Variants in SMCHD1 observed in about 807,000 individuals in gnomAD.
The protein encoded by SMCHD1 is structural maintenance of chromosomes flexible hinge domain-containing protein 1.
Under a neutral mutation model 254.7 loss-of-function variants are expected in SMCHD1, and 78 were observed. The ratio of observed to expected loss-of-function variants is 0.31; its 90% CI spans 0.26 to 0.37. SMCHD1 has a LOEUF of 0.37. Ranked by LOEUF, SMCHD1 falls within the 10% of genes least tolerant of loss-of-function variation. The probability of loss-of-function intolerance (pLI) is 1.00; values close to 1 mark genes in which losing one functional copy is unlikely to be tolerated. For missense variants in SMCHD1, 1,840 were observed against 2,408.1 expected (o/e 0.76, Z 4.94); for synonymous variants, 766 against 794.9 (o/e 0.96, Z 0.61).
intron 22 of SMCHD1, chr18:2,728,229 C>A: frequency 2.3e-6 from 1 of 428,806 alleles, no homozygotes; most frequent in Non-Finnish European, 4.1e-6. Context: ...TGGAATAAAA[C>A]TTAGCCTAGA....
intron 47 of SMCHD1, among the ~76,000 whole-genome samples, chr18:2,798,603 A>G (rs1434730469): frequency 6.6e-6 from 1 of 152,220 alleles, no homozygotes; most frequent in East Asian, 1.9e-4. Context: ...CTTTGTAGAA[A>G]GTTCTTATAT....
chr18:2,732,234 ACTC>A, intron 24 of SMCHD1, 28 bp from the exon 25 acceptor site: 1 of 1,544,592 alleles, frequency 6.5e-7, no homozygotes, highest in Non-Finnish European at 8.9e-7. Flanking sequence ...TACAGATATC[ACTC>A]AGTGTTTGTG....
At chr18:2,754,125 T>G (rs931881528) in intron 34 of SMCHD1, among the ~76,000 whole-genome samples, 1 of 152,240 alleles carries the variant, frequency 6.6e-6, no homozygotes, top group Non-Finnish European at 1.5e-5. Context: ...CTTTCTCATT[T>G]TATGATATCT....
intron 39 of SMCHD1, among the ~76,000 whole-genome samples, chr18:2,770,457 A>C (rs957731261): frequency 6.6e-6 from 1 of 152,146 alleles, no homozygotes; most frequent in African/African-American, 2.4e-5. Flanking sequence ...TGTGTAATGT[A>C]ATTTTTCATT....
At chr18:2,727,653 A>G (rs1043013428) in intron 22 of SMCHD1, among the ~76,000 whole-genome samples, 1 of 152,038 alleles carries the variant, frequency 6.6e-6, no homozygotes, top group Non-Finnish European at 1.5e-5. Context: ...ACCTGGACAA[A>G]ATACTTAATT....
intron 7 of SMCHD1, among the ~76,000 whole-genome samples, chr18:2,693,894 G>A (rs2074234202): frequency 6.6e-6 from 1 of 152,172 alleles, no homozygotes; most frequent in Admixed American, 6.5e-5. Flanking sequence ...ACCTCCCAAA[G>A]TGCTGGGATT....
chr18:2,716,329 A>G (rs368771964), intron 17 of SMCHD1, among the ~76,000 whole-genome samples: 137 of 152,270 alleles, frequency 9.0e-4, no homozygotes, highest in African/African-American at 3.0e-3. Context: ...GCACTGCACA[A>G]TTGTTTTAGC....
chr18:2,739,324 A>G, intron 26 of SMCHD1, 108 bp from the exon 27 acceptor site: 1 of 752,466 alleles, frequency 1.3e-6, no homozygotes, highest in Non-Finnish European at 2.3e-6. Context: ...GTGTTATTGT[A>G]TTTGAGTTAT....
intron 45 of SMCHD1, among the ~76,000 whole-genome samples, chr18:2,795,102 C>A (rs1329879882): frequency 6.6e-6 from 1 of 151,878 alleles, no homozygotes; most frequent in African/African-American, 2.4e-5. Context: ...CTCTGTCACC[C>A]AGGCTGAATG....
chr18:2,794,328 TA>T (rs1292421748), intron 45 of SMCHD1, among the ~76,000 whole-genome samples: 6 of 151,966 alleles, frequency 3.9e-5, no homozygotes, highest in Non-Finnish European at 2.9e-5. Flanking sequence ...ACCCCGTCTC[TA>T]AAAAAATTAG....
chr18:2,656,256 T>G lies in SMCHD1; in HGVS notation c.181T>G (p.Cys61Gly). 1 of 1,493,770 alleles carries G rather than the reference T, an allele frequency of 6.7e-7. No individual in the cohort carries two copies. Among genetic ancestry groups the G allele is most frequent in the Non-Finnish European group, 8.8e-7 (1 of 1,132,002 alleles). 92.5% of individuals were successfully genotyped at this position (1,493,770 alleles called of 1,614,324 possible). A position where few individuals can be genotyped will look rare whatever the true frequency, so the allele number is the denominator to read the frequency against. The change falls in exon 1 of 48, where the codon TGT (cysteine) becomes GGT (glycine). Residue 61 changes from cysteine (C) to glycine (G), a missense_variant. Physicochemically the swap from Cys to Gly is radical, Grantham distance 159 (BLOSUM62 -3). Coordinates refer to ENST00000320876, the MANE Select transcript of SMCHD1 (RefSeq NM_015295.3). The stretch of plus-strand genomic sequence containing the variant: ...CTACGCGGGATTTCGCGCGTGTGTG[T>G]GTCAGGTACGCGAAGGGGCGAGGAA... The part of the protein sequence containing the change: ...SDYAGFRACV[C>G]QTLGISPEEK...
rs1219595471 is a variant in SMCHD1, at chr18:2,804,248, A to G, written c.*1696A>G. 1.3e-5 allele frequency: 2 copies of G among 152,246 alleles called. No individual in the cohort carries two copies. The highest frequency in any genetic ancestry group is 2.1e-4 in the South Asian group (1 of 4,836). 9.4% of individuals were successfully genotyped at this position (152,246 alleles called of 1,614,324 possible). A position where few individuals can be genotyped will look rare whatever the true frequency, so the allele number is the denominator to read the frequency against. On this transcript the variant is annotated 3_prime_UTR_variant, in exon 48 of 48. Coordinates refer to ENST00000320876, the MANE Select transcript of SMCHD1 (RefSeq NM_015295.3). ...ATCCAAGGCATTGAGACTATCTAGA[A>G]GCAAAAAAGTTGGTTTTAAAAATTC...
chr18:2,802,709 T>G lies in SMCHD1; in HGVS notation c.*157T>G. 1.9e-6 allele frequency: 1 copy of G among 540,212 alleles called. No homozygotes were observed. Among genetic ancestry groups the G allele is most frequent in the Non-Finnish European group, 3.2e-6 (1 of 314,268 alleles). 33.5% of individuals were successfully genotyped at this position (540,212 alleles called of 1,614,324 possible). On this transcript the variant is annotated 3_prime_UTR_variant, in exon 48 of 48. Transcript: ENST00000320876. ...ATTTCCATTTCGATTCAGATGGGAC[T>G]GGAAACAACCATTCAATTTTATGAA...
intron 17 of SMCHD1, among the ~76,000 whole-genome samples, chr18:2,709,731 T>C (rs2074624728): frequency 2.0e-5 from 3 of 152,224 alleles, no homozygotes; most frequent in Non-Finnish European, 2.9e-5. Context: ...CAAAGGTCTA[T>C]TCAGGTCCTT....
At chr18:2,771,324 C>G (rs1189633602) in intron 39 of SMCHD1, among the ~76,000 whole-genome samples, 2 of 152,080 alleles carry the variant, frequency 1.3e-5, no homozygotes, top group Non-Finnish European at 2.9e-5. Context: ...CCTTTAGTTG[C>G]ATTAATTTTG....
At chr18:2,669,732 C>T (rs946269811) in intron 3 of SMCHD1, among the ~76,000 whole-genome samples, 1 of 152,136 alleles carries the variant, frequency 6.6e-6, no homozygotes, top group East Asian at 1.9e-4. Context: ...CAGTTTTATC[C>T]ATCCAGCTGC....
intron 1 of SMCHD1, among the ~76,000 whole-genome samples, chr18:2,658,933 T>C (rs2073161812): frequency 6.8e-6 from 1 of 146,676 alleles, no homozygotes; most frequent in Non-Finnish European, 1.5e-5. Flanking sequence ...TACACATATA[T>C]ACACATATAT....
chr18:2,673,554 G>GT (rs2073668739), intron 4 of SMCHD1, among the ~76,000 whole-genome samples, 191 bp downstream of exon 4: 1 of 151,770 alleles, frequency 6.6e-6, no homozygotes, highest in African/African-American at 2.4e-5. Flanking sequence ...TGTACCTTTG[G>GT]TTTTTTGTAA....
chr18:2,750,203 TA>T, intron 31 of SMCHD1, 81 bp downstream of exon 31: 1 of 1,432,132 alleles, frequency 7.0e-7, no homozygotes, highest in East Asian at 2.4e-5. Flanking sequence ...AGCTAATGAC[TA>T]TCCTTCTGTT....
Sources: gnomAD v4.1 joint callset for allele counts (sites outside exome capture counted in the v4.1 genomes callset) on GRCh38, gnomAD v4.1.1 for gene constraint, MANE v1.5 for transcripts, NCBI Gene and HGNC (gene_info 2026-07-23, HGNC 2026-07-21) for gene names.